Variants in COL14A1 observed in about 807,000 individuals in gnomAD.
The protein encoded by COL14A1 is collagen type XIV alpha 1 chain, also known as collagen alpha-1(XIV) chain.
A neutral mutation model predicts 230.3 loss-of-function variants in COL14A1; 136 were observed. The ratio of observed to expected loss-of-function variants is 0.59; its 90% confidence interval spans 0.51 to 0.68. COL14A1 has a LOEUF of 0.68. Ranked by LOEUF, COL14A1 falls within the 30% of genes least tolerant of loss-of-function variation. COL14A1 has a pLI of 0.00. For synonymous variants in COL14A1, 792 were observed against 784.1 expected, an observed-to-expected ratio of 1.01 and a Z score of -0.17; for missense variants, 1,976 against 2,215.8, an observed-to-expected ratio of 0.89 and a Z score of 2.17.
intron 23 of COL14A1, among the ~76,000 whole-genome samples, chr8:120,258,499 G>T (rs904996866): frequency 2.0e-5 from 3 of 152,064 alleles, no homozygotes; most frequent in Non-Finnish European, 4.4e-5. Context: ...GGAGGTGGGG[G>T]TGTTATTCAA....
chr8:120,280,867 T>C, intron 30 of COL14A1, 54 bp from the exon 31 acceptor site: 1 of 1,479,532 alleles, frequency 6.8e-7, no homozygotes, highest in Non-Finnish European at 9.1e-7. Flanking sequence ...TTTAAAATTC[T>C]AAAGTGCCAT....
chr8:120,336,435 A>T (rs543487170), intron 42 of COL14A1, among the ~76,000 whole-genome samples: 1 of 152,160 alleles, frequency 6.6e-6, no homozygotes. Flanking sequence ...ATATTTTTCA[A>T]TTCTTTCTCT....
chr8:120,199,609 C>T (rs1220289199), intron 8 of COL14A1, 43 bp downstream of exon 8: 23 of 1,555,022 alleles, frequency 1.5e-5, no homozygotes, highest in Non-Finnish European at 1.9e-5. Flanking sequence ...GGGCATAGAC[C>T]CACAACCACT....
intron 37 of COL14A1, among the ~76,000 whole-genome samples, chr8:120,312,690 G>T (rs1821082853): frequency 1.3e-5 from 2 of 152,072 alleles, no homozygotes; most frequent in African/African-American, 4.8e-5. Context: ...CATAGACCTT[G>T]CCTAACTCCT....
At chr8:120,164,870 G>T (rs1815810924) in intron 4 of COL14A1, among the ~76,000 whole-genome samples, 1 of 152,218 alleles carries the variant, frequency 6.6e-6, no homozygotes, top group Non-Finnish European at 1.5e-5. Flanking sequence ...TCTTTCTCTA[G>T]TCTGAGGTTT....
chr8:120,233,190 G>A (rs1468867750), intron 19 of COL14A1, among the ~76,000 whole-genome samples: 1 of 150,930 alleles, frequency 6.6e-6, no homozygotes, highest in Non-Finnish European at 1.5e-5. Context: ...TGAGTAGATT[G>A]CAAAAATTTT....
intron 26 of COL14A1, among the ~76,000 whole-genome samples, chr8:120,271,163 A>G (rs1819654647): frequency 6.6e-6 from 1 of 151,772 alleles, no homozygotes; most frequent in Non-Finnish European, 1.5e-5. Flanking sequence ...TATAAGTGGG[A>G]GCTAAACATC....
intron 30 of COL14A1, 24 bp from the exon 31 acceptor site, chr8:120,280,897 T>C: frequency 2.0e-6 from 3 of 1,515,106 alleles, no homozygotes; most frequent in Non-Finnish European, 8.8e-7. Context: ...GTTTATTCTT[T>C]TTCTACTTTT....
chr8:120,310,157 T>G (rs1820990702), intron 37 of COL14A1, 95 bp downstream of exon 37: 4 of 1,290,632 alleles, frequency 3.1e-6, no homozygotes, highest in South Asian at 1.4e-5. Flanking sequence ...TATTTCACCC[T>G]TGCAATCTAA....
chr8:120,143,899 C>A (rs1815002041), intron 1 of COL14A1, among the ~76,000 whole-genome samples: 2 of 151,888 alleles, frequency 1.3e-5, no homozygotes, highest in African/African-American at 4.8e-5. Flanking sequence ...TACTCATACT[C>A]TTCCATTTGG....
In COL14A1 at chr8:120,358,628, TAAG is replaced by T. The variant is rs1331725749; in HGVS notation, c.5078-8539_5078-8537del. Among the ~76,000 whole-genome samples, 5 of 151,602 alleles carry T rather than the reference TAAG, an allele frequency of 3.3e-5. No individual in the cohort carries two copies. In the East Asian group the frequency reaches 7.7e-4, roughly 23 times the overall value. On this transcript the variant is annotated intron_variant, in intron 45 of 47. Coordinates refer to ENST00000297848, the MANE Select transcript of COL14A1 (RefSeq NM_021110.4). ...AGCCAGAAAATCATGGCAAGTTTTCTAAGAAGGAGATTTGGTTATACTAGATAA... is the reference window on the plus strand; with the variant it reads ...AGCCAGAAAATCATGGCAAGTTTTCTAAGGAGATTTGGTTATACTAGATAA...
intron 39 of COL14A1, 95 bp from the exon 40 acceptor site, chr8:120,315,849 G>A: frequency 7.9e-6 from 10 of 1,268,234 alleles, no homozygotes; most frequent in Non-Finnish European, 1.0e-5. Context: ...ATGCTCTTAG[G>A]TTTGTTTGGA....
At chr8:120,367,787 T>A (rs1011444563) in intron 46 of COL14A1, among the ~76,000 whole-genome samples, 26 of 147,916 alleles carry the variant, frequency 1.8e-4, no homozygotes, top group African/African-American at 6.5e-4. Context: ...AAAAAAAAAA[T>A]ACAAAAATTT....
At chr8:120,323,580 AGT>A (rs1437144820) in intron 40 of COL14A1, among the ~76,000 whole-genome samples, 8 of 151,986 alleles carry the variant, frequency 5.3e-5, no homozygotes, top group Non-Finnish European at 1.2e-4. Context: ...ATCCATCTTG[AGT>A]TAATATTTGT....
At chr8:120,261,452 A>G (rs185117719) in intron 23 of COL14A1, among the ~76,000 whole-genome samples, 10 of 152,348 alleles carry the variant, frequency 6.6e-5, no homozygotes, top group Admixed American at 5.2e-4. Context: ...TGTTGTTATA[A>G]TTAAATAGCA....
At chr8:120,157,411 A>G (rs1418503181) in intron 2 of COL14A1, among the ~76,000 whole-genome samples, 1 of 152,248 alleles carries the variant, frequency 6.6e-6, no homozygotes, top group Non-Finnish European at 1.5e-5. Flanking sequence ...TACCAAAGTG[A>G]AAAACCTAAG....
intron 1 of COL14A1, among the ~76,000 whole-genome samples, chr8:120,144,611 C>G (rs1249761182): frequency 6.6e-6 from 1 of 151,908 alleles, no homozygotes; most frequent in Admixed American, 6.6e-5. Flanking sequence ...TTCAGGCATC[C>G]CTAGCAAAAT....
At chr8:120,164,254 T>C (rs1301559567) in intron 4 of COL14A1, among the ~76,000 whole-genome samples, 3 of 152,184 alleles carry the variant, frequency 2.0e-5, no homozygotes, top group Non-Finnish European at 4.4e-5. Flanking sequence ...TTATTATTTT[T>C]TGAGGAAATC....
chr8:120,202,989 A>AATATACATATATATATATATAT (rs1171878593), intron 8 of COL14A1, among the ~76,000 whole-genome samples: 9 of 106,552 alleles, frequency 8.4e-5, no homozygotes, highest in Admixed American at 2.8e-4. Context: ...AATAATTTCA[A>AATATACATATATATATATATAT]ATATATATAT....
Sources: allele counts gnomAD v4.1 joint callset (sites outside exome capture counted in the v4.1 genomes callset), GRCh38; gene constraint gnomAD v4.1.1; transcripts MANE v1.5; gene names NCBI Gene and HGNC (gene_info 2026-07-23, HGNC 2026-07-21).